Variants in PID1 observed in about 807,000 individuals in gnomAD.
PID1 encodes phosphotyrosine interaction domain containing 1.
Under a neutral mutation model 19.1 loss-of-function variants are expected in PID1, and 10 were observed. The observed-to-expected ratio is 0.52, with a 90% confidence interval of 0.32 to 0.89. The LOEUF is 0.89. PID1 is among the 40% of genes least tolerant of loss of function. The pLI is 0.03. For missense variants in PID1, 248 were observed against 285.3 expected (o/e 0.87, Z 0.94); for synonymous variants, 130 against 116.0 (o/e 1.12, Z -0.78).
chr2:229,232,172 C>A, intron 1 of PID1: 1 of 1,409,804 alleles, frequency 7.1e-7, no homozygotes. Flanking sequence ...GCCTGTAATC[C>A]CAGCACTCTG....
chr2:229,109,513 C>T (rs2106146577), intron 2 of PID1, among the ~76,000 whole-genome samples: 1 of 152,294 alleles, frequency 6.6e-6, no homozygotes, highest in East Asian at 1.9e-4. Context: ...CACTGTTTTG[C>T]AAATGCATGC....
chr2:229,140,341 TG>T (rs1689986391), intron 2 of PID1, among the ~76,000 whole-genome samples: 1 of 152,084 alleles, frequency 6.6e-6, no homozygotes, highest in African/African-American at 2.4e-5. Flanking sequence ...AAGGAGTTGA[TG>T]GGACACTTCA....
At chr2:229,032,659 G>A (rs952661819) in intron 2 of PID1, among the ~76,000 whole-genome samples, 2 of 152,120 alleles carry the variant, frequency 1.3e-5, no homozygotes, top group Non-Finnish European at 2.9e-5. Context: ...TGGAAATTGC[G>A]GTAAATACCA....
At chr2:229,267,170 C>G (rs935961047) in intron 1 of PID1, among the ~76,000 whole-genome samples, 2 of 152,234 alleles carry the variant, frequency 1.3e-5, no homozygotes, top group Non-Finnish European at 2.9e-5. Context: ...ACTTCATCAA[C>G]CAAAAGTTTC....
In PID1 at chr2:229,224,025, CAT is replaced by C. The variant is rs575120926; in HGVS notation, c.30+46987_30+46988del. Among the ~76,000 whole-genome samples the C allele has an allele frequency of 3.2e-4, 48 of 152,256 alleles. 1 individual carries two copies. Among genetic ancestry groups the C allele is most frequent in the South Asian group, 2.1e-3 (10 of 4,828 alleles). ...TTTAGTTCCCATTTATAAGTGATAA[CAT>C]GTGGTATTTGATTTTCTGTTTCTGC... On this transcript the variant is annotated intron_variant, in intron 1 of 2. Transcript: ENST00000392055.
intron 2 of PID1, among the ~76,000 whole-genome samples, chr2:229,091,371 A>C (rs1370676483): frequency 6.6e-6 from 1 of 151,816 alleles, no homozygotes; most frequent in Non-Finnish European, 1.5e-5. Context: ...GTAAAGAAAA[A>C]AAAAAAAGCT....
chr2:229,056,059 T>C (rs770173588), intron 2 of PID1, among the ~76,000 whole-genome samples: 2 of 152,144 alleles, frequency 1.3e-5, no homozygotes, highest in Non-Finnish European at 2.9e-5. Context: ...CTATACATAA[T>C]CTGGTTATTT....
intron 2 of PID1, among the ~76,000 whole-genome samples, chr2:229,076,998 TCA>T (rs1160063269): frequency 6.6e-6 from 1 of 152,220 alleles, no homozygotes; most frequent in Non-Finnish European, 1.5e-5. Flanking sequence ...TTGAACTCAT[TCA>T]CACTCTCACC....
At chr2:229,176,290 C>T (rs1690821974) in intron 1 of PID1, among the ~76,000 whole-genome samples, 1 of 152,210 alleles carries the variant, frequency 6.6e-6, no homozygotes, top group Non-Finnish European at 1.5e-5. Context: ...TGCAAGCCTC[C>T]ATTAATTGGT....
intron 1 of PID1, among the ~76,000 whole-genome samples, chr2:229,236,159 T>C (rs1465071065): frequency 4.4e-4 from 3 of 6,746 alleles, no homozygotes; most frequent in Non-Finnish European, 0.012. Context: ...TTTTTGGCTT[T>C]TGAAAAAAAA....
At chr2:229,153,818 C>T (rs111737325) in intron 2 of PID1, among the ~76,000 whole-genome samples, 13 of 151,970 alleles carry the variant, frequency 8.6e-5, no homozygotes, top group African/African-American at 2.9e-4. Context: ...GTAGTTTTTG[C>T]CCTTCCCGTT....
At chr2:229,148,105 G>A (rs1264096919) in intron 2 of PID1, among the ~76,000 whole-genome samples, 1 of 152,154 alleles carries the variant, frequency 6.6e-6, no homozygotes, top group African/African-American at 2.4e-5. Context: ...TGAAACACCT[G>A]TATCAGCTGG....
At chr2:229,190,242 T>C (rs1691227430) in intron 1 of PID1, among the ~76,000 whole-genome samples, 1 of 152,204 alleles carries the variant, frequency 6.6e-6, no homozygotes, top group African/African-American at 2.4e-5. Context: ...AGAGAGTAAA[T>C]ATTTCAGTTA....
chr2:229,248,048 T>A (rs1225931478), intron 1 of PID1, among the ~76,000 whole-genome samples: 1 of 152,172 alleles, frequency 6.6e-6, no homozygotes, highest in Non-Finnish European at 1.5e-5. Flanking sequence ...GAGAGTAAGA[T>A]ACAGACGCTA....
intron 1 of PID1, among the ~76,000 whole-genome samples, chr2:229,239,916 T>C (rs1312910345): frequency 6.6e-6 from 1 of 152,128 alleles, no homozygotes; most frequent in African/African-American, 2.4e-5. Flanking sequence ...ATTCAACCTA[T>C]ATTCCTGGCA....
intron 1 of PID1, among the ~76,000 whole-genome samples, chr2:229,192,126 A>C: frequency 6.6e-6 from 1 of 152,230 alleles, no homozygotes; most frequent in East Asian, 1.9e-4. Context: ...AAAAATACAG[A>C]AAATGTAGGG....
chr2:229,227,965 T>C, intron 1 of PID1: 1 of 456,012 alleles, frequency 2.2e-6, no homozygotes, highest in Non-Finnish European at 4.4e-6. Flanking sequence ...ACCACGGTCT[T>C]GACTATCTGT....
chr2:229,137,520 C>T (rs1276355164), intron 2 of PID1, among the ~76,000 whole-genome samples: 1 of 152,098 alleles, frequency 6.6e-6, no homozygotes. Flanking sequence ...CTGATGTTTC[C>T]AATTAGATAC....
At chr2:229,036,889 T>C (rs1007713927) in intron 2 of PID1, among the ~76,000 whole-genome samples, 1 of 152,256 alleles carries the variant, frequency 6.6e-6, no homozygotes, top group African/African-American at 2.4e-5. Context: ...CTTAGCCAGG[T>C]TAACCTGCCT....
Sources: gnomAD v4.1 joint callset for allele counts (sites outside exome capture counted in the v4.1 genomes callset) on GRCh38, gnomAD v4.1.1 for gene constraint, MANE v1.5 for transcripts, NCBI Gene and HGNC (gene_info 2026-07-23, HGNC 2026-07-21) for gene names.